RAD51B: variants seen among roughly 807,000 people sequenced by gnomAD.
RAD51B encodes DNA repair protein RAD51 homolog 2.
A neutral mutation model predicts 42.2 loss-of-function variants in RAD51B; 38 were observed. The observed-to-expected ratio is 0.90, with a 90% CI of 0.70 to 1.18. The LOEUF is 1.18. Ranked by LOEUF, RAD51B falls within the 50% of genes most tolerant of loss-of-function variation. The pLI, the probability that RAD51B is intolerant of heterozygous loss-of-function variation, is 0.00. For missense variants in RAD51B, 373 were observed against 400.7 expected (o/e 0.93, Z 0.59); for synonymous variants, 154 against 145.2 (o/e 1.06, Z -0.43).
intron 4 of RAD51B, among the ~76,000 whole-genome samples, chr14:67,851,344 C>T (rs1484156327): frequency 2.0e-5 from 3 of 151,884 alleles, no homozygotes; most frequent in Non-Finnish European, 4.4e-5. Flanking sequence ...GGGCTAAACT[C>T]TCAGGCAGGG....
intron 10 of RAD51B, among the ~76,000 whole-genome samples, chr14:68,551,513 G>A (rs1566935184): frequency 6.6e-6 from 1 of 152,194 alleles, no homozygotes; most frequent in African/African-American, 2.4e-5. Flanking sequence ...CCCTTCCCAA[G>A]AAGTGCCTGC....
Position 68,266,140 on chromosome 14 carries a change from G to A in RAD51B, c.757-25744G>A, listed in dbSNP as rs530969682. ...CTGTTTGGGCACCAGGAGCTGTAGG[G>A]TTAGAAGAAGTAATGTCTTTTTCTC... is the stretch of plus-strand genomic sequence containing the variant. On this transcript the variant is annotated intron_variant, in intron 7 of 10. Coordinates refer to ENST00000471583, the MANE Select transcript of RAD51B (RefSeq NM_133510.4). 1.6e-4 allele frequency among the ~76,000 whole-genome samples: 24 copies of A among 152,322 alleles called. 1 individual carries two copies. In the East Asian group the frequency reaches 4.6e-3, roughly 29 times the overall value.
chr14:68,224,568 T>A (rs58676111), intron 7 of RAD51B, among the ~76,000 whole-genome samples: 1 of 152,356 alleles, frequency 6.6e-6, no homozygotes, highest in Non-Finnish European at 1.5e-5. Context: ...TAGTAAGTAC[T>A]GTATGCATAA....
At chr14:68,451,362 T>C (rs924499067) in intron 9 of RAD51B, among the ~76,000 whole-genome samples, 57 of 152,322 alleles carry the variant, frequency 3.7e-4, no homozygotes, top group Admixed American at 3.6e-3. Flanking sequence ...AGTCATTCTA[T>C]GGTTATATAT....
intron 7 of RAD51B, among the ~76,000 whole-genome samples, chr14:68,021,933 C>T (rs1394854239): frequency 2.6e-5 from 4 of 152,184 alleles, no homozygotes; most frequent in Non-Finnish European, 4.4e-5. Flanking sequence ...TCTGACTAAA[C>T]AGGCTGGTGG....
At chr14:68,515,778 CTTTT>C (rs546071661) in intron 10 of RAD51B, among the ~76,000 whole-genome samples, 2 of 113,420 alleles carry the variant, frequency 1.8e-5, no homozygotes, top group Non-Finnish European at 3.6e-5. Context: ...CTTTTCTTTT[CTTTT>C]TTTTTTTTTT....
chr14:68,491,187 T>C (rs1884044406), intron 10 of RAD51B, among the ~76,000 whole-genome samples: 1 of 152,204 alleles, frequency 6.6e-6, no homozygotes, highest in African/African-American at 2.4e-5. Context: ...GCCCTGGTCA[T>C]GGATTAGTGC....
At chr14:67,852,341 A>AT (rs562029413) in intron 4 of RAD51B, among the ~76,000 whole-genome samples, 202 of 152,344 alleles carry the variant, frequency 1.3e-3, no homozygotes, top group Non-Finnish European at 2.3e-3. Context: ...TGGTGGGACT[A>AT]TAACAGCTGG....
chr14:68,409,044 G>A (rs1594796060), intron 8 of RAD51B, among the ~76,000 whole-genome samples: 1 of 152,292 alleles, frequency 6.6e-6, no homozygotes, highest in East Asian at 1.9e-4. Flanking sequence ...GATGGCCAGT[G>A]GGTGTGGGAT....
At chr14:68,184,625 C>CAGA in intron 7 of RAD51B, among the ~76,000 whole-genome samples, 1 of 132,388 alleles carries the variant, frequency 7.6e-6, no homozygotes, top group Non-Finnish European at 1.6e-5. Flanking sequence ...AAAAAAAAAC[C>CAGA]AAAAAAAAAA....
At chr14:68,183,845 G>C (rs1462296649) in intron 7 of RAD51B, among the ~76,000 whole-genome samples, 1 of 152,092 alleles carries the variant, frequency 6.6e-6, no homozygotes, top group Non-Finnish European at 1.5e-5. Context: ...TGTAATCCCA[G>C]CACTTTGGGA....
At chr14:67,958,056 G>A (rs1369412179) in intron 7 of RAD51B, among the ~76,000 whole-genome samples, 2 of 152,138 alleles carry the variant, frequency 1.3e-5, no homozygotes, top group Non-Finnish European at 2.9e-5. Flanking sequence ...ATATTTAGCT[G>A]TTGTTGATTT....
intron 5 of RAD51B, among the ~76,000 whole-genome samples, chr14:67,883,890 T>C (rs2042990451): frequency 6.6e-6 from 1 of 152,170 alleles, no homozygotes; most frequent in African/African-American, 2.4e-5. Flanking sequence ...TTAGTGCTCA[T>C]TTTGAAAAGA....
intron 7 of RAD51B, among the ~76,000 whole-genome samples, chr14:68,247,521 G>A (rs2080524850): frequency 6.6e-6 from 1 of 152,162 alleles, no homozygotes; most frequent in Non-Finnish European, 1.5e-5. Flanking sequence ...CACAATGGAA[G>A]GCTCTGCCCA....
intron 7 of RAD51B, among the ~76,000 whole-genome samples, chr14:68,223,599 G>A (rs2079973988): frequency 6.6e-6 from 1 of 152,218 alleles, no homozygotes; most frequent in Admixed American, 6.5e-5. Context: ...CTTCTGGGTA[G>A]TTAAGCCTTA....
Position 68,167,289 on chromosome 14 carries a change from C to A in RAD51B, c.757-124595C>A, listed in dbSNP as rs150661643. Among the ~76,000 whole-genome samples the A allele has an allele frequency of 5.3e-5, 8 of 152,250 alleles. No individual in the cohort carries two copies. In the East Asian group the frequency reaches 1.5e-3, roughly 29 times the overall value. Reference sequence around the variant, plus strand: ...CATGTTGTTGGACATTCTACATTCTCTCCACCCACTTCTTTAATTGCCAAC... The same window carrying A: ...CATGTTGTTGGACATTCTACATTCTATCCACCCACTTCTTTAATTGCCAAC... On this transcript the variant is annotated intron_variant, in intron 7 of 10. Coordinates refer to ENST00000471583, the MANE Select transcript of RAD51B (RefSeq NM_133510.4).
chr14:68,301,393 A>G (rs1290522321), intron 8 of RAD51B, among the ~76,000 whole-genome samples: 1 of 152,130 alleles, frequency 6.6e-6, no homozygotes, highest in African/African-American at 2.4e-5. Context: ...AAAACAAACA[A>G]CAGTCGATAA....
At chr14:68,663,118 T>A (rs1286030485) in intron 11 of RAD51B, among the ~76,000 whole-genome samples, 1 of 152,126 alleles carries the variant, frequency 6.6e-6, no homozygotes, top group Non-Finnish European at 1.5e-5. Flanking sequence ...CTGGCCAACA[T>A]GGTGAAATTC....
intron 10 of RAD51B, among the ~76,000 whole-genome samples, chr14:68,493,973 G>A (rs1456658393): frequency 1.3e-5 from 2 of 152,160 alleles, no homozygotes; most frequent in East Asian, 3.9e-4. Context: ...GTTCAGCTGA[G>A]TGTCAGAAAT....
Sources: gnomAD v4.1 joint callset for allele counts (sites outside exome capture counted in the v4.1 genomes callset) on GRCh38, gnomAD v4.1.1 for gene constraint, MANE v1.5 for transcripts, NCBI Gene and HGNC (gene_info 2026-07-23, HGNC 2026-07-21) for gene names.